The following WWOX variants were observed in gnomAD, a reference collection of about 807,000 sequenced individuals.
The protein encoded by WWOX is WW domain containing oxidoreductase.
WWOX carries 69 observed loss-of-function variants against 46.2 expected under a neutral mutation model. The observed-to-expected ratio is 1.49, with a 90% CI of 1.23 to 1.82. WWOX has a LOEUF of 1.82. Among genes scored for constraint, WWOX ranks in the 40% most tolerant of loss-of-function variants. The probability of loss-of-function intolerance (pLI) is 0.00; values close to 1 mark genes in which losing one functional copy is unlikely to be tolerated. For synonymous variants in WWOX, 359 were observed against 202.6 expected, an observed-to-expected ratio of 1.77 and a Z score of -6.56; for missense variants, 919 against 542.6, an observed-to-expected ratio of 1.69 and a Z score of -6.89.
intron 8 of WWOX, among the ~76,000 whole-genome samples, chr16:78,841,191 C>G (rs747994682): frequency 8.5e-4 from 130 of 152,252 alleles, no homozygotes; most frequent in Non-Finnish European, 1.6e-3. Context: ...ATGCAGGGGC[C>G]TTCTAAATCA....
chr16:78,401,458 T>TA (rs2082411623), intron 6 of WWOX, among the ~76,000 whole-genome samples: 1 of 152,092 alleles, frequency 6.6e-6, no homozygotes, highest in African/African-American at 2.4e-5. Context: ...ATCAATTGTC[T>TA]AAAAAAAGAG....
intron 8 of WWOX, among the ~76,000 whole-genome samples, chr16:78,988,862 A>G (rs1011957841): frequency 1.4e-4 from 21 of 152,164 alleles, no homozygotes; most frequent in African/African-American, 2.7e-4. Flanking sequence ...GCGAGCCCCA[A>G]TCGATCAGTG....
intron 8 of WWOX, among the ~76,000 whole-genome samples, chr16:78,466,591 A>T (rs892003905): frequency 6.6e-5 from 10 of 152,066 alleles, no homozygotes; most frequent in African/African-American, 2.4e-4. Context: ...GCACTTTGGG[A>T]GGCTGAGGTG....
At chr16:78,905,020 A>G (rs2044925762) in intron 8 of WWOX, among the ~76,000 whole-genome samples, 2 of 152,182 alleles carry the variant, frequency 1.3e-5, no homozygotes, top group African/African-American at 4.8e-5. Context: ...TACAGAAAAT[A>G]TATTTTCATT....
intron 4 of WWOX, among the ~76,000 whole-genome samples, chr16:78,122,779 A>G (rs2033162157): frequency 6.6e-6 from 1 of 151,602 alleles, no homozygotes; most frequent in Non-Finnish European, 1.5e-5. Context: ...TAATTTTTGT[A>G]TTTTTCGTAG....
chr16:78,475,718 C>A (rs1597137854), intron 8 of WWOX, among the ~76,000 whole-genome samples: 1 of 152,256 alleles, frequency 6.6e-6, no homozygotes, highest in South Asian at 2.1e-4. Context: ...GTCTCAGCCT[C>A]CCCAGTAGCT....
chr16:78,152,194 GAA>G (rs11421726), intron 4 of WWOX, among the ~76,000 whole-genome samples: 2 of 144,618 alleles, frequency 1.4e-5, no homozygotes, highest in South Asian at 2.2e-4. Context: ...CGTCTCAAGA[GAA>G]AAAAAAAAAA....
Position 78,416,208 on chromosome 16 carries a change from C to T in WWOX, c.606-8662C>T, listed in dbSNP as rs576007196. 6.6e-5 allele frequency among the ~76,000 whole-genome samples: 10 copies of T among 152,300 alleles called. No homozygotes were observed. The East Asian group carries it at 1.3e-3, about 21-fold the overall frequency. On this transcript the variant is annotated intron_variant, in intron 6 of 8. Coordinates refer to ENST00000566780, the MANE Select transcript of WWOX (RefSeq NM_016373.4). ...TCTGTCTTTATAGTTTGAACTTTTC[C>T]TTTTCATAGTCTGTAAATATTCATC...
At chr16:79,025,747 TC>T (rs2047625428) in intron 8 of WWOX, among the ~76,000 whole-genome samples, 1 of 151,736 alleles carries the variant, frequency 6.6e-6, no homozygotes, top group South Asian at 2.1e-4. Flanking sequence ...TTTCTGATAA[TC>T]CTTTCATCCT....
intron 8 of WWOX, among the ~76,000 whole-genome samples, chr16:78,585,310 C>G (rs1406981957): frequency 6.6e-6 from 1 of 152,188 alleles, no homozygotes; most frequent in East Asian, 1.9e-4. Context: ...GAGGTAGGAT[C>G]TTAGGTCGAA....
chr16:78,520,919 A>G (rs1474142821), intron 8 of WWOX, among the ~76,000 whole-genome samples: 2 of 152,236 alleles, frequency 1.3e-5, no homozygotes, highest in East Asian at 1.9e-4. Context: ...AAAGAAGACA[A>G]AAGAGCTCAA....
chr16:79,108,965 A>G (rs1037612933), intron 8 of WWOX, among the ~76,000 whole-genome samples: 2 of 151,684 alleles, frequency 1.3e-5, no homozygotes, highest in Non-Finnish European at 2.9e-5. Flanking sequence ...ATACTTGGTC[A>G]TCTGAGCAAC....
chr16:79,100,531 T>G (rs1167317290), intron 8 of WWOX, among the ~76,000 whole-genome samples: 1 of 152,196 alleles, frequency 6.6e-6, no homozygotes, highest in East Asian at 1.9e-4. Context: ...AATACCCCGT[T>G]AGTTCCAGGC....
chr16:78,948,746 C>T (rs2045998455), intron 8 of WWOX, among the ~76,000 whole-genome samples: 2 of 152,116 alleles, frequency 1.3e-5, no homozygotes, highest in Admixed American at 1.3e-4. Flanking sequence ...GTTGGCATTA[C>T]TCCTATGGTG....
In WWOX at chr16:78,499,654, G is replaced by C. The variant is rs539243518; in HGVS notation, c.1056+66902G>C. 1.4e-4 allele frequency among the ~76,000 whole-genome samples: 22 copies of C among 152,334 alleles called. No homozygotes were observed. In the South Asian group the frequency reaches 4.4e-3, roughly 30 times the overall value. ...CCATCTGGTAGTTGTTTGTGCCTGC[G>C]ACTCTCTTCCCTATTAGGCTTTGAC... On this transcript the variant is annotated intron_variant, in intron 8 of 8. Transcript: ENST00000566780.
intron 8 of WWOX, among the ~76,000 whole-genome samples, chr16:78,927,616 C>T (rs2045528402): frequency 6.6e-6 from 1 of 152,120 alleles, no homozygotes; most frequent in African/African-American, 2.4e-5. Flanking sequence ...TAACTATTTG[C>T]AGTTGTATTT....
chr16:78,713,468 T>C (rs566942185), intron 8 of WWOX, among the ~76,000 whole-genome samples: 2 of 152,134 alleles, frequency 1.3e-5, no homozygotes, highest in East Asian at 3.9e-4. Context: ...GAAGCCCTAA[T>C]TCACAGTACC....
At chr16:78,570,617 G>T (rs960130934) in intron 8 of WWOX, among the ~76,000 whole-genome samples, 2 of 152,110 alleles carry the variant, frequency 1.3e-5, no homozygotes, top group African/African-American at 4.8e-5. Flanking sequence ...CCCAGCTGCT[G>T]CAGTTACTCA....
At chr16:78,769,139 G>T (rs1161553758) in intron 8 of WWOX, among the ~76,000 whole-genome samples, 2 of 152,162 alleles carry the variant, frequency 1.3e-5, no homozygotes, top group Non-Finnish European at 2.9e-5. Flanking sequence ...CCAAATAATT[G>T]GTGGAAGGAT....
Sources: gnomAD v4.1 joint callset for allele counts (sites outside exome capture counted in the v4.1 genomes callset) on GRCh38, gnomAD v4.1.1 for gene constraint, MANE v1.5 for transcripts, NCBI Gene and HGNC (gene_info 2026-07-23, HGNC 2026-07-21) for gene names.